ASTN2: variants seen among roughly 807,000 people sequenced by gnomAD.
The protein encoded by ASTN2 is astrotactin 2.
A neutral mutation model predicts 139.8 loss-of-function variants in ASTN2; 54 were observed. The ratio of observed to expected loss-of-function variants is 0.39; its 90% CI spans 0.31 to 0.48. ASTN2 has a LOEUF of 0.48. Among genes scored for constraint, ASTN2 ranks in the 20% least tolerant of loss-of-function variants. The pLI is 0.95. For missense variants in ASTN2, 1,565 were observed against 1,725.1 expected, an observed-to-expected ratio of 0.91 and a Z score of 1.64; for synonymous variants, 756 against 719.5, an observed-to-expected ratio of 1.05 and a Z score of -0.81.
chr9:116,723,890 G>A (rs930716660), intron 16 of ASTN2, among the ~76,000 whole-genome samples: 1 of 152,072 alleles, frequency 6.6e-6, no homozygotes, highest in South Asian at 2.1e-4. Context: ...AAAACACCAA[G>A]TTTACCCCAC....
At chr9:116,797,002 G>A (rs1330638862) in intron 13 of ASTN2, among the ~76,000 whole-genome samples, 1 of 125,904 alleles carries the variant, frequency 7.9e-6, no homozygotes, top group Non-Finnish European at 1.8e-5. Flanking sequence ...TTTTTTTTTT[G>A]TAGATATGTG....
chr9:116,642,359 T>C (rs1857385719), intron 17 of ASTN2, among the ~76,000 whole-genome samples: 1 of 152,108 alleles, frequency 6.6e-6, no homozygotes, highest in South Asian at 2.1e-4. Context: ...GCTTATTTCA[T>C]GTCTCTCTCA....
chr9:116,514,050 C>T (rs960709809), intron 19 of ASTN2, among the ~76,000 whole-genome samples: 8 of 151,320 alleles, frequency 5.3e-5, no homozygotes, highest in South Asian at 2.1e-4. Context: ...TGAGGAGCTG[C>T]GTTCCTTTGG....
At chr9:117,024,776 G>A (rs1191391182) in intron 6 of ASTN2, among the ~76,000 whole-genome samples, 1 of 151,984 alleles carries the variant, frequency 6.6e-6, no homozygotes, top group African/African-American at 2.4e-5. Context: ...CTATGCTTTG[G>A]CTGTGTCCAC....
chr9:116,800,802 G>A (rs1204181475), intron 13 of ASTN2, among the ~76,000 whole-genome samples: 1 of 152,122 alleles, frequency 6.6e-6, no homozygotes, highest in African/African-American at 2.4e-5. Context: ...TTCTCCATCT[G>A]TACAAGTAAG....
intron 2 of ASTN2, among the ~76,000 whole-genome samples, chr9:117,237,064 T>C (rs188150975): frequency 6.6e-6 from 1 of 152,302 alleles, no homozygotes; most frequent in East Asian, 1.9e-4. Flanking sequence ...TACCATTCTT[T>C]TGGCATTTTC....
At chr9:117,186,972 C>T (rs544281089) in intron 3 of ASTN2, among the ~76,000 whole-genome samples, 21 of 151,972 alleles carry the variant, frequency 1.4e-4, no homozygotes, top group African/African-American at 5.1e-4. Flanking sequence ...CTACTAAAAA[C>T]ACAAAAATTA....
chr9:117,187,106 G>T (rs888564642), intron 3 of ASTN2, among the ~76,000 whole-genome samples: 6 of 152,190 alleles, frequency 3.9e-5, no homozygotes, highest in African/African-American at 1.2e-4. Context: ...TCCAGCCTGG[G>T]AGACAGAGTG....
chr9:117,245,968 C>T (rs1833368685), intron 2 of ASTN2, among the ~76,000 whole-genome samples: 1 of 152,092 alleles, frequency 6.6e-6, no homozygotes, highest in Admixed American at 6.6e-5. Flanking sequence ...TAGTCCACTT[C>T]CCCCATTCAA....
At position 117,334,142 on chromosome 9, in the gene ASTN2, C is replaced by CTA. The variant is rs1437574137; in HGVS notation, c.443-42631_443-42630dup. 3.9e-5 allele frequency among the ~76,000 whole-genome samples: 6 copies of CTA among 152,236 alleles called. No individual in the cohort carries two copies. The East Asian group carries it at 9.7e-4, about 25-fold the overall frequency. On this transcript the variant is annotated intron_variant, in intron 1 of 22. Transcript: ENST00000313400. ...AGAGACACATAAAAAAGGGGTGTGG[C>CTA]TATTTTCCAATAAAATCAGTAGGGG...
chr9:116,529,559 T>G (rs2119278146), intron 19 of ASTN2, among the ~76,000 whole-genome samples: 1 of 152,212 alleles, frequency 6.6e-6, no homozygotes, highest in South Asian at 2.1e-4. Flanking sequence ...CATTTTGAAA[T>G]GTGAGAAGGA....
At chr9:116,826,122 C>A (rs1439373269) in intron 11 of ASTN2, among the ~76,000 whole-genome samples, 1 of 152,212 alleles carries the variant, frequency 6.6e-6, no homozygotes, top group Non-Finnish European at 1.5e-5. Flanking sequence ...CAGTTTAATG[C>A]TGAGCTGCAC....
chr9:116,890,488 C>T (rs566295880), intron 10 of ASTN2, among the ~76,000 whole-genome samples: 24 of 152,294 alleles, frequency 1.6e-4, no homozygotes, highest in Middle Eastern at 3.4e-3. Context: ...ATGCACAAAA[C>T]CCAAGTGAAT....
intron 7 of ASTN2, among the ~76,000 whole-genome samples, chr9:116,994,945 T>C (rs1836969587): frequency 1.3e-5 from 2 of 152,202 alleles, no homozygotes; most frequent in African/African-American, 4.8e-5. Context: ...GTCCTCATAA[T>C]TACCCTCCAA....
rs145361206 is a variant in ASTN2 at position 117,117,721 on chromosome 9, A to T, written c.1169-21570T>A. 8.8e-3 allele frequency among the ~76,000 whole-genome samples: 1,336 copies of T among 152,294 alleles called. 19 individuals carry two copies. The highest frequency in any genetic ancestry group is 0.031 in the African/African-American group (1,281 of 41,552). ...TAGCCTGTTAATCTCAAACATAAAT[A>T]ATCTACCATGTGCTGAGAGTCTGAC... On this transcript the variant is annotated intron_variant, in intron 4 of 22. Coordinates refer to ENST00000313400, the MANE Select transcript of ASTN2 (RefSeq NM_001365068.1).
At chr9:116,532,205 A>G (rs1851385041) in intron 19 of ASTN2, among the ~76,000 whole-genome samples, 1 of 151,860 alleles carries the variant, frequency 6.6e-6, no homozygotes, top group African/African-American at 2.4e-5. Context: ...CCACTTGCTG[A>G]TGGGTTGTTT....
chr9:116,788,121 G>A (rs780199970), intron 13 of ASTN2, among the ~76,000 whole-genome samples: 10 of 152,084 alleles, frequency 6.6e-5, no homozygotes, highest in South Asian at 6.2e-4. Flanking sequence ...AGTCAAACTC[G>A]TATTAGAGAG....
At chr9:117,125,865 C>T (rs1041927862) in intron 4 of ASTN2, among the ~76,000 whole-genome samples, 1 of 151,372 alleles carries the variant, frequency 6.6e-6, no homozygotes, top group African/African-American at 2.4e-5. Flanking sequence ...ATTAATGAGG[C>T]GAGGGGTTTG....
At chr9:117,160,760 A>G (rs896029006) in intron 3 of ASTN2, among the ~76,000 whole-genome samples, 30 of 152,020 alleles carry the variant, frequency 2.0e-4, no homozygotes, top group African/African-American at 7.2e-4. Context: ...CAGCTTATAA[A>G]TATCCTGTAT....
Sources: allele counts gnomAD v4.1 joint callset (sites outside exome capture counted in the v4.1 genomes callset), GRCh38; gene constraint gnomAD v4.1.1; transcripts MANE v1.5; gene names NCBI Gene and HGNC (gene_info 2026-07-23, HGNC 2026-07-21).